Variants in MOBP observed in about 807,000 individuals in gnomAD.
MOBP encodes myelin-associated oligodendrocyte basic protein.
Under a neutral mutation model 15.0 loss-of-function variants are expected in MOBP, and 5 were observed. That is an observed-to-expected ratio of 0.33 (90% CI 0.17 to 0.70). The LOEUF (loss-of-function observed/expected upper bound fraction) is 0.70. Among genes scored for constraint, MOBP ranks in the 30% least tolerant of loss-of-function variants. The pLI, the probability that MOBP is intolerant of heterozygous loss-of-function variation, is 0.67. For synonymous variants in MOBP, 88 were observed against 99.0 expected, an observed-to-expected ratio of 0.89 and a Z score of 0.66; for missense variants, 188 against 257.8, an observed-to-expected ratio of 0.73 and a Z score of 1.85.
At position 39,480,049 on chromosome 3, in the gene MOBP, A is replaced by G. The variant is rs1009114726; in HGVS notation, c.-79A>G. The G allele has an allele frequency of 2.6e-5, 4 of 152,116 alleles. No homozygotes were observed. The highest frequency in any genetic ancestry group is 5.9e-5 in the Non-Finnish European group (4 of 68,012). 9.4% of individuals were successfully genotyped at this position (152,116 alleles called of 1,614,324 possible). A position where few individuals can be genotyped will look rare whatever the true frequency, so the allele number is the denominator to read the frequency against. Reference sequence around the variant, plus strand: ...ACTGCTTCACTTTTAGGAAAAAAAAAAAAAGAAGCAAATGATACCAAGACA... The same window carrying G: ...ACTGCTTCACTTTTAGGAAAAAAAAGAAAAGAAGCAAATGATACCAAGACA... On this transcript the variant is annotated 5_prime_UTR_variant, in exon 2 of 4. Transcript: ENST00000684792.
chr3:39,472,340 A>G (rs1396980758), intron 1 of MOBP, among the ~76,000 whole-genome samples: 1 of 152,172 alleles, frequency 6.6e-6, no homozygotes, highest in African/African-American at 2.4e-5. Context: ...CAGTGAACAT[A>G]TTGTGGCTTT....
At chr3:39,493,306 A>G (rs1365895747) in intron 2 of MOBP, among the ~76,000 whole-genome samples, 1 of 152,238 alleles carries the variant, frequency 6.6e-6, no homozygotes, top group African/African-American at 2.4e-5. Context: ...TAGGACGTGT[A>G]ATGAAATGTG....
rs755066817 is a variant in MOBP at position 39,502,578 on chromosome 3, C to T, written c.250C>T (p.Pro84Ser). The T allele has an allele frequency of 4.1e-5, 65 of 1,575,918 alleles. No individual in the cohort carries two copies. Among genetic ancestry groups the T allele is most frequent in the Middle Eastern group, 3.3e-4 (2 of 6,030 alleles). The change falls in exon 4 of 4, where the codon CCA (proline) becomes TCA (serine). Residue 84 changes from proline (P) to serine (S), a missense_variant. Pro to Ser is a moderately conservative substitution (Grantham distance 74, BLOSUM62 -1). Transcript: ENST00000684792. The surrounding 1 kb of genome is among the most constrained non-coding windows in gnomAD (Gnocchi z 6.3). ...GTCCCCTCAGAGGCCCAAGCAACAG[C>T]CAGCTGCGCCCCCCGCGGTGGTCAG... The part of the protein sequence containing the change: ...AKSPQRPKQQ[P>S]AAPPAVVRAP...
At chr3:39,513,054 T>C (rs1460608329) in intron 4 of MOBP, among the ~76,000 whole-genome samples, 2 of 152,226 alleles carry the variant, frequency 1.3e-5, no homozygotes, top group Non-Finnish European at 2.9e-5. Flanking sequence ...TAGTAAAATA[T>C]TTTTTCCAGG....
chr3:39,501,272 A>G (rs983924309), intron 2 of MOBP, among the ~76,000 whole-genome samples: 1 of 152,238 alleles, frequency 6.6e-6, no homozygotes, highest in Non-Finnish European at 1.5e-5. Flanking sequence ...GAGCAGAGAC[A>G]TTCTCAGTAT....
intron 2 of MOBP, among the ~76,000 whole-genome samples, chr3:39,486,327 G>T (rs604831): frequency 0.3 from 45,115 of 151,732 alleles, 9,022 homozygotes; most frequent in African/African-American, 0.57. Context: ...AACAGTGCCT[G>T]GTTTGTATCT....
At position 39,480,110 on chromosome 3, in the gene MOBP, G is replaced by A. The variant is rs1032954794; in HGVS notation, c.-18G>A. Reference sequence around the variant, plus strand: ...AGAGATCCAATCAGCAGATGTGTACGGATGAAAATACAGGTACAAATGAAT... The same window carrying A: ...AGAGATCCAATCAGCAGATGTGTACAGATGAAAATACAGGTACAAATGAAT... On this transcript the variant is annotated 5_prime_UTR_variant, in exon 2 of 4. Transcript: ENST00000684792. The A allele has an allele frequency of 6.6e-6, 1 of 151,648 alleles. No homozygotes were observed. The highest frequency in any genetic ancestry group is 2.1e-4 in the South Asian group (1 of 4,812). 9.4% of individuals were successfully genotyped at this position (151,648 alleles called of 1,614,324 possible).
intron 1 of MOBP, among the ~76,000 whole-genome samples, chr3:39,469,208 GTGTGTGTA>G (rs2042426778): frequency 8.6e-6 from 1 of 116,556 alleles, no homozygotes; most frequent in Non-Finnish European, 1.7e-5. Flanking sequence ...ATATATACAT[GTGTGTGTA>G]TATACATATA....
intron 2 of MOBP, among the ~76,000 whole-genome samples, chr3:39,487,349 A>G (rs2042726786): frequency 6.6e-6 from 1 of 152,134 alleles, no homozygotes; most frequent in Non-Finnish European, 1.5e-5. Context: ...TAACATCCCT[A>G]TCATATATCA....
At chr3:39,468,382 T>C (rs2042373793) in intron 1 of MOBP, among the ~76,000 whole-genome samples, 1 of 152,280 alleles carries the variant, frequency 6.6e-6, no homozygotes, top group African/African-American at 2.4e-5. Flanking sequence ...GTAATGAACT[T>C]GGCCTACAGT....
At chr3:39,495,352 A>C (rs1488799660) in intron 2 of MOBP, among the ~76,000 whole-genome samples, 1 of 152,236 alleles carries the variant, frequency 6.6e-6, no homozygotes, top group African/African-American at 2.4e-5. Context: ...ATGAAGATTA[A>C]AAATTATTTT....
downstream of MOBP, among the ~76,000 whole-genome samples, chr3:39,503,898 G>C (rs72857006): frequency 0.019 from 2,907 of 152,184 alleles, 90 homozygotes; most frequent in African/African-American, 0.066. Flanking sequence ...TGTTAAAGAT[G>C]CCCCTAGAAA....
chr3:39,494,634 T>TAA (rs1338863437), intron 2 of MOBP, among the ~76,000 whole-genome samples: 2 of 152,192 alleles, frequency 1.3e-5, no homozygotes, highest in Non-Finnish European at 2.9e-5. Flanking sequence ...CACAGTGAGA[T>TAA]AAATAGAGTG....
exon 5 of MOBP, chr3:39,515,629 T>A (rs704962): frequency 6.6e-6 from 1 of 152,040 alleles, no homozygotes; most frequent in Non-Finnish European, 1.5e-5. Flanking sequence ...TGCGTATAAA[T>A]GGTATGTTGT....
At chr3:39,506,210 G>C (rs536431738), downstream of MOBP, among the ~76,000 whole-genome samples, 1 of 152,126 alleles carries the variant, frequency 6.6e-6, no homozygotes, top group Non-Finnish European at 1.5e-5. Flanking sequence ...GTTTGTTCAC[G>C]TCTGGCCCTA....
chr3:39,491,626 A>G (rs2042796897), intron 2 of MOBP, among the ~76,000 whole-genome samples: 3 of 152,286 alleles, frequency 2.0e-5, no homozygotes, highest in African/African-American at 7.2e-5. Context: ...AGTTTCCTCT[A>G]TGGTGTAAAA....
At chr3:39,519,976 T>TA (rs2043246976), downstream of MOBP, among the ~76,000 whole-genome samples, 1 of 145,656 alleles carries the variant, frequency 6.9e-6, no homozygotes, top group Non-Finnish European at 1.5e-5. Context: ...TTTTTTTTTT[T>TA]ACAACTTAAA....
chr3:39,475,974 G>A (rs532919489), intron 1 of MOBP, among the ~76,000 whole-genome samples: 280 of 152,314 alleles, frequency 1.8e-3, no homozygotes, highest in Non-Finnish European at 3.2e-3. Context: ...CTGACACTGA[G>A]TAATTTATAG....
At chr3:39,482,427 G>A (rs566469321) in intron 2 of MOBP, among the ~76,000 whole-genome samples, 69 of 152,112 alleles carry the variant, frequency 4.5e-4, no homozygotes, top group Non-Finnish European at 7.5e-4. Flanking sequence ...CGAGGTGGGC[G>A]GATCATGAGG....
Sources: gnomAD v4.1 joint callset for allele counts (sites outside exome capture counted in the v4.1 genomes callset) on GRCh38, gnomAD v4.1.1 for gene constraint, Gnocchi (gnomAD v3.1) non-coding constraint, MANE v1.5 for transcripts, NCBI Gene and HGNC (gene_info 2026-07-23, HGNC 2026-07-21) for gene names.